The following ZNF473 variants were observed in gnomAD, a reference collection of about 807,000 sequenced individuals.
ZNF473 encodes zinc finger protein 473, also known as zinc finger protein 100 homolog.
Under a neutral mutation model 11.1 loss-of-function variants are expected in ZNF473, and 4 were observed. That is an observed-to-expected ratio of 0.36 (90% CI 0.18 to 0.82). The LOEUF (loss-of-function observed/expected upper bound fraction) is 0.82, where lower values mean the gene tolerates loss of function less well. Among genes scored for constraint, ZNF473 ranks in the 40% least tolerant of loss-of-function variants. The pLI, the probability that ZNF473 is intolerant of heterozygous loss-of-function variation, is 0.49. For missense variants in ZNF473, 854 were observed against 1,084.0 expected (o/e 0.79, Z 2.98); for synonymous variants, 404 against 390.4 (o/e 1.03, Z -0.41).
intron 2 of ZNF473, among the ~76,000 whole-genome samples, chr19:50,033,987 A>C (rs989955395): frequency 6.6e-6 from 1 of 152,216 alleles, no homozygotes; most frequent in Non-Finnish European, 1.5e-5. Context: ...TCTGGGAATT[A>C]AGACAGGGAC....
intron 1 of ZNF473, 21 bp from the exon 2 acceptor site, chr19:50,030,871 A>AGTT: frequency 1.5e-6 from 1 of 653,996 alleles, no homozygotes; most frequent in Non-Finnish European, 2.7e-6. Context: ...CAGTAAATAT[A>AGTT]GTTGTTGTTG....
chr19:50,034,883 C>T (rs2077336920), intron 2 of ZNF473, among the ~76,000 whole-genome samples: 1 of 152,116 alleles, frequency 6.6e-6, no homozygotes, highest in African/African-American at 2.4e-5. Context: ...CTCTTGTGCC[C>T]CCTGTTTGTG....
Position 50,030,871 on chromosome 19 carries a change from AGTT to A in ZNF473, c.-191-12_-191-10del, listed in dbSNP as rs141012438. ...GGGCTGAGGTGGCTTCAGTAAATAT[AGTT>A]GTTGTTGTCCCCTGCAGGGAGACTC... On this transcript the variant is annotated intron_variant, in intron 1 of 4. Coordinates refer to ENST00000270617, the MANE Select transcript of ZNF473 (RefSeq NM_015428.4). 1.8e-3 allele frequency: 1,166 copies of A among 653,996 alleles called. 5 individuals are homozygous for A. Among genetic ancestry groups the A allele is most frequent in the African/African-American group, 0.017 (911 of 55,100 alleles). The allele number at this position is 653,996 out of a possible 1,614,324, so 40.5% of individuals were successfully genotyped here.
intron 4 of ZNF473, chr19:50,042,132 T>C (rs1445628131): frequency 1.5e-5 from 3 of 195,518 alleles, no homozygotes; most frequent in African/African-American, 4.7e-5. Context: ...TTGGTCTCTC[T>C]ACTTTCCTGC....
Position 50,031,076 on chromosome 19 carries a change from G to C in ZNF473, c.-7G>C. 6.4e-7 allele frequency: 1 copy of C among 1,567,214 alleles called. No individual in the cohort carries two copies. Among genetic ancestry groups the C allele is most frequent in the Non-Finnish European group, 8.7e-7 (1 of 1,155,352 alleles). ...GCTTAAAAGAGGCTACTGAACCCCA[G>C]TTGGCCATGGCTGAGGTGAGTTGAA... On this transcript the variant is annotated 5_prime_UTR_variant, in exon 2 of 5. Coordinates refer to ENST00000270617, the MANE Select transcript of ZNF473 (RefSeq NM_015428.4).
Position 50,026,022 on chromosome 19 carries a change from A to C in ZNF473, c.-292A>C, listed in dbSNP as rs977016858. The C allele has an allele frequency of 6.5e-6, 1 of 152,716 alleles. No individual in the cohort carries two copies. Among genetic ancestry groups the C allele is most frequent in the African/African-American group, 2.4e-5 (1 of 41,572 alleles). The allele number at this position is 152,716 out of a possible 1,614,324, so 9.5% of individuals were successfully genotyped here. A position where few individuals can be genotyped will look rare whatever the true frequency, so the allele number is the denominator to read the frequency against. ...AGCCGCTCAGAGAAGCTTCTCGCGC[A>C]CAGGAAGTCGCTGCGAGGAGGCGCG... On this transcript the variant is annotated 5_prime_UTR_variant, in exon 1 of 5. Transcript: ENST00000270617.
intron 1 of ZNF473, among the ~76,000 whole-genome samples, chr19:50,026,692 T>A (rs2077282871): frequency 6.6e-6 from 1 of 151,098 alleles, no homozygotes; most frequent in Non-Finnish European, 1.5e-5. Context: ...AATAGAAAAA[T>A]TAGCCGGGCG....
intron 2 of ZNF473, among the ~76,000 whole-genome samples, chr19:50,038,169 AATTATAAT>A (rs1456793094): frequency 2.8e-5 from 4 of 145,038 alleles, no homozygotes; most frequent in African/African-American, 7.8e-5. Flanking sequence ...ATAAATTATA[AATTATAAT>A]TTTATAAATT....
At chr19:50,038,008 A>ATT (rs1164586003) in intron 2 of ZNF473, among the ~76,000 whole-genome samples, 6 of 39,054 alleles carry the variant, frequency 1.5e-4, no homozygotes, top group Non-Finnish European at 2.3e-4. Context: ...AATAGTAGAA[A>ATT]ATTTTTTTTT....
chr19:50,047,099 A>T lies in ZNF473; in HGVS notation c.*40A>T. 2 of 1,524,410 alleles carry T rather than the reference A, an allele frequency of 1.3e-6. No individual in the cohort carries two copies. The highest frequency in any genetic ancestry group is 1.8e-6 in the Non-Finnish European group (2 of 1,121,366). 94.4% of individuals were successfully genotyped at this position (1,524,410 alleles called of 1,614,324 possible). Reference sequence around the variant, plus strand: ...CAGAGTCCCAGAATATGAGACCGTTACTCGGATGTTGAAAGTTGGAAACTA... The same window carrying T: ...CAGAGTCCCAGAATATGAGACCGTTTCTCGGATGTTGAAAGTTGGAAACTA... On this transcript the variant is annotated 3_prime_UTR_variant, in exon 5 of 5. Coordinates refer to ENST00000270617, the MANE Select transcript of ZNF473 (RefSeq NM_015428.4).
intron 1 of ZNF473, among the ~76,000 whole-genome samples, chr19:50,030,483 C>G (rs1189502189): frequency 6.6e-6 from 1 of 152,164 alleles, no homozygotes; most frequent in Non-Finnish European, 1.5e-5. Flanking sequence ...AGTACTCCAG[C>G]CTGGCAACAG....
intron 1 of ZNF473, among the ~76,000 whole-genome samples, chr19:50,026,419 C>T (rs923293240): frequency 1.3e-5 from 2 of 151,846 alleles, no homozygotes; most frequent in African/African-American, 2.4e-5. Flanking sequence ...AGCGTGGTGG[C>T]GGGGGCCTGT....
chr19:50,029,842 G>A (rs907585048), intron 1 of ZNF473, among the ~76,000 whole-genome samples: 1 of 151,434 alleles, frequency 6.6e-6, no homozygotes, highest in Non-Finnish European at 1.5e-5. Context: ...TGTTTGAGTA[G>A]TCATGATACT....
In ZNF473 at chr19:50,039,837, A is replaced by G. The variant is rs1158187237; in HGVS notation, c.136+550A>G. 2.0e-5 allele frequency among the ~76,000 whole-genome samples: 3 copies of G among 152,182 alleles called. No individual in the cohort carries two copies. Among genetic ancestry groups the G allele is most frequent in the Non-Finnish European group, 4.4e-5 (3 of 68,038 alleles). On this transcript the variant is annotated intron_variant, in intron 3 of 4. Transcript: ENST00000270617. The surrounding 1 kb of genome is among the most constrained non-coding windows in gnomAD (Gnocchi z 4.8). ...TCCCTCACGTTCTAACTACCATTGT[A>G]TCATTCAGAGCGGGAGCTGTGTGAG...
At position 50,045,501 on chromosome 19, in the gene ZNF473, A is replaced by G; in HGVS notation, c.1058A>G (p.Gln353Arg). The G allele has an allele frequency of 3.1e-6, 5 of 1,614,238 alleles. No homozygotes were observed. The highest frequency in any genetic ancestry group is 4.2e-6 in the Non-Finnish European group (5 of 1,180,042). Residue 353 changes from glutamine (Q) to arginine (R), a missense_variant, in exon 5 of 5, where the codon CAG (glutamine) becomes CGG (arginine). Physicochemically the swap from Gln to Arg is conservative, Grantham distance 43 (BLOSUM62 1). Transcript: ENST00000270617. ...AAACGCTATGAGTGTTCCAAGTGCC[A>G]GGCGACCTTCAACTTGAGAAAACAC... is the stretch of plus-strand genomic sequence containing the variant. The part of the protein sequence containing the change: ...TRKRYECSKC[Q>R]ATFNLRKHLI...
chr19:50,031,460 C>T (rs2077317539), intron 2 of ZNF473, among the ~76,000 whole-genome samples: 1 of 152,204 alleles, frequency 6.6e-6, no homozygotes, highest in African/African-American at 2.4e-5. Flanking sequence ...TGATTCTGTA[C>T]TTTCCAGCAG....
At chr19:50,028,507 C>T (rs11083997) in intron 1 of ZNF473, among the ~76,000 whole-genome samples, 59,369 of 151,196 alleles carry the variant, frequency 0.39, 12,850 homozygotes, top group East Asian at 0.74. Context: ...ACAACTTGCT[C>T]ATTTTTAATT....
In ZNF473 at chr19:50,046,204, A is replaced by G. The variant is rs10424220; in HGVS notation, c.1761A>G (p.Gly587=). ...LTQHERIHTR[G]VKPFECDQCG... The stretch of plus-strand genomic sequence containing the variant: ...AGCACGAGAGGATTCACACCAGGGG[A>G]GTGAAGCCCTTTGAATGTGACCAGT... The change falls in exon 5 of 5, where the codon GGA becomes GGG. Residue 587 remains glycine (G), a synonymous_variant. Transcript: ENST00000270617. The surrounding 1 kb of genome is among the most constrained non-coding windows in gnomAD (Gnocchi z 5.9). 9.9e-3 allele frequency: 15,923 copies of G among 1,614,084 alleles called. 1,371 individuals are homozygous for G. The African/African-American group carries it at 0.19, about 19-fold the overall frequency.
At chr19:50,036,423 C>T (rs1978443709) in intron 2 of ZNF473, among the ~76,000 whole-genome samples, 1 of 149,004 alleles carries the variant, frequency 6.7e-6, no homozygotes, top group East Asian at 2.0e-4. Flanking sequence ...ATGCCATTCT[C>T]CTGCCTCAGC....
Sources: gnomAD v4.1 joint callset for allele counts (sites outside exome capture counted in the v4.1 genomes callset) on GRCh38, gnomAD v4.1.1 for gene constraint, Gnocchi (gnomAD v3.1) non-coding constraint, MANE v1.5 for transcripts, NCBI Gene and HGNC (gene_info 2026-07-23, HGNC 2026-07-21) for gene names.